The following ADAMTSL1 variants were observed in gnomAD, a reference collection of about 807,000 sequenced individuals.
ADAMTSL1 encodes the protein ADAMTS like 1.
ADAMTSL1 carries 126 observed loss-of-function variants against 201.8 expected under a neutral mutation model. The observed-to-expected ratio is 0.62, with a 90% CI of 0.54 to 0.72. The LOEUF is 0.72. Among genes scored for constraint, ADAMTSL1 ranks in the 30% least tolerant of loss-of-function variants. ADAMTSL1 has a pLI of 0.00. For missense variants in ADAMTSL1, 2,679 were observed against 2,277.8 expected (o/e 1.18, Z -3.59); for synonymous variants, 1,121 against 903.4 (o/e 1.24, Z -4.32).
Position 18,169,365 on chromosome 9 carries a change from C to T in ADAMTSL1, c.207+5384C>T, listed in dbSNP as rs535402754. The stretch of plus-strand genomic sequence containing the variant: ...ATATGGCTAGCCAGTTTTCCCAGCA[C>T]CACTTATTAAATAGGGAATCCTTTC... On this transcript the variant is annotated intron_variant, in intron 2 of 29. Coordinates refer to the ADAMTSL1 transcript ENST00000680146. 2.2e-3 allele frequency among the ~76,000 whole-genome samples: 337 copies of T among 152,138 alleles called. 2 individuals are homozygous for T. Among genetic ancestry groups the T allele is most frequent in the African/African-American group, 7.2e-3 (299 of 41,534 alleles).
At chr9:18,738,088 G>T (rs1182958412) in intron 15 of ADAMTSL1, among the ~76,000 whole-genome samples, 1 of 152,196 alleles carries the variant, frequency 6.6e-6, no homozygotes, top group East Asian at 1.9e-4. Flanking sequence ...ATTAAGAATA[G>T]ATTCTATATT....
chr9:18,545,906 A>G (rs1380014545), intron 3 of ADAMTSL1, among the ~76,000 whole-genome samples: 1 of 152,218 alleles, frequency 6.6e-6, no homozygotes, highest in Non-Finnish European at 1.5e-5. Flanking sequence ...CTGTAAGCCT[A>G]GAAACGATAA....
intron 13 of ADAMTSL1, among the ~76,000 whole-genome samples, chr9:18,701,556 T>G (rs1419075776): frequency 1.3e-5 from 2 of 152,180 alleles, no homozygotes; most frequent in African/African-American, 4.8e-5. Flanking sequence ...ATTCAGTTTA[T>G]TCCCTTCTCT....
At chr9:18,501,725 A>T (rs1037779104) in intron 1 of ADAMTSL1, among the ~76,000 whole-genome samples, 1 of 152,232 alleles carries the variant, frequency 6.6e-6, no homozygotes, top group African/African-American at 2.4e-5. Flanking sequence ...TTTCTCCAAC[A>T]TTAAACATGG....
intron 2 of ADAMTSL1, among the ~76,000 whole-genome samples, chr9:18,358,991 A>G (rs9695430): frequency 6.6e-6 from 1 of 152,108 alleles, no homozygotes; most frequent in African/African-American, 2.4e-5. Context: ...GAGTGTCTTA[A>G]ATTTCAGTGA....
intron 2 of ADAMTSL1, among the ~76,000 whole-genome samples, chr9:18,244,405 T>G (rs1335895669): frequency 6.6e-6 from 1 of 152,070 alleles, no homozygotes; most frequent in Non-Finnish European, 1.5e-5. Context: ...ACATCCAACC[T>G]CTGATATGAT....
intron 5 of ADAMTSL1, among the ~76,000 whole-genome samples, chr9:18,633,945 G>C (rs949671300): frequency 6.6e-6 from 1 of 152,054 alleles, no homozygotes; most frequent in Admixed American, 6.6e-5. Context: ...TCCTTTAAGA[G>C]ATTTGGGGTA....
chr9:18,202,081 A>G lies in ADAMTSL1; in HGVS notation c.207+38100A>G, dbSNP rs142775049. 1.9e-3 allele frequency among the ~76,000 whole-genome samples: 285 copies of G among 152,278 alleles called. 1 individual carries two copies. The highest frequency in any genetic ancestry group is 0.016 in the East Asian group (83 of 5,174). Reference sequence around the variant, plus strand: ...TGATTGTTGGGTAATGTGCAGTGATAATGTACTTATTATGGTAACTGAAAT... The same window carrying G: ...TGATTGTTGGGTAATGTGCAGTGATGATGTACTTATTATGGTAACTGAAAT... On this transcript the variant is annotated intron_variant, in intron 2 of 29. Coordinates refer to the ADAMTSL1 transcript ENST00000680146.
In ADAMTSL1 at chr9:17,974,273, G is replaced by A. The variant is rs551696776; in HGVS notation, c.87+67351G>A. ...CAATCAGGCAGGAAAAGGAAATAAA[G>A]GGTATTCAATGAGGAAAAGAGGAAG... On this transcript the variant is annotated intron_variant, in intron 1 of 29. Transcript: ENST00000680146. 5.3e-5 allele frequency among the ~76,000 whole-genome samples: 8 copies of A among 152,030 alleles called. No individual in the cohort carries two copies. The South Asian group carries it at 1.7e-3, about 32-fold the overall frequency.
chr9:18,042,489 A>G (rs550407886), intron 1 of ADAMTSL1, among the ~76,000 whole-genome samples: 157 of 152,214 alleles, frequency 1.0e-3, no homozygotes, highest in African/African-American at 3.6e-3. Flanking sequence ...AGGGGTTGAG[A>G]AGTCAAGTAA....
chr9:18,638,525 C>T (rs964284395), intron 6 of ADAMTSL1, among the ~76,000 whole-genome samples: 11 of 152,084 alleles, frequency 7.2e-5, no homozygotes, highest in Admixed American at 5.9e-4. Context: ...CCATCATCCC[C>T]AGCATGCTCT....
chr9:18,565,723 C>G (rs1821848988), intron 3 of ADAMTSL1, among the ~76,000 whole-genome samples: 1 of 152,192 alleles, frequency 6.6e-6, no homozygotes, highest in Non-Finnish European at 1.5e-5. Flanking sequence ...ATATTATGCT[C>G]TTAAAATGTA....
intron 7 of ADAMTSL1, among the ~76,000 whole-genome samples, chr9:18,647,416 TG>T (rs1264139061): frequency 2.6e-5 from 4 of 151,990 alleles, no homozygotes; most frequent in African/African-American, 9.7e-5. Context: ...AGTTATTTCT[TG>T]CCTTCTGCTA....
intron 1 of ADAMTSL1, among the ~76,000 whole-genome samples, chr9:18,098,815 G>T (rs374259519): frequency 6.6e-6 from 1 of 152,100 alleles, no homozygotes; most frequent in South Asian, 2.1e-4. Context: ...TCCATGCATT[G>T]TAATCTCATC....
At chr9:18,084,961 T>A (rs1343126963) in intron 1 of ADAMTSL1, among the ~76,000 whole-genome samples, 1 of 151,932 alleles carries the variant, frequency 6.6e-6, no homozygotes, top group Non-Finnish European at 1.5e-5. Flanking sequence ...AATAGGGAAG[T>A]TAGGTAAGAC....
rs535627202 is a variant in ADAMTSL1, at chr9:18,538,175, G to A, written c.237+4883G>A. Among the ~76,000 whole-genome samples, 5 of 152,264 alleles carry A rather than the reference G, an allele frequency of 3.3e-5. No homozygotes were observed. The East Asian group carries it at 9.7e-4, about 29-fold the overall frequency. On this transcript the variant is annotated intron_variant, in intron 3 of 28. Transcript: ENST00000380548. ...CAGGGGGATCATTGCGGTAGTTCAG[G>A]TGGGTGCTAATGGTTGTGTGGACTA...
intron 1 of ADAMTSL1, among the ~76,000 whole-genome samples, chr9:17,918,447 A>G (rs1826185871): frequency 6.6e-6 from 1 of 151,710 alleles, no homozygotes; most frequent in Admixed American, 6.6e-5. Context: ...TTATCTGGGT[A>G]TCTTTGTGTT....
At position 18,289,374 on chromosome 9, in the gene ADAMTSL1, A is replaced by G. The variant is rs1264210835; in HGVS notation, c.207+125393A>G. On this transcript the variant is annotated intron_variant, in intron 2 of 29. Coordinates refer to the ADAMTSL1 transcript ENST00000680146. ...AGATACCCAGAATGATGTTTAACCA[A>G]GTAGCTGGGCATCTTGTGGCCCAGT... Among the ~76,000 whole-genome samples the G allele has an allele frequency of 2.6e-5, 4 of 152,228 alleles. No individual in the cohort carries two copies. The East Asian group carries it at 7.7e-4, about 29-fold the overall frequency.
chr9:18,861,891 C>G (rs1043890977), intron 23 of ADAMTSL1, among the ~76,000 whole-genome samples: 7 of 151,846 alleles, frequency 4.6e-5, no homozygotes, highest in African/African-American at 1.5e-4. Context: ...ACTCAACTCT[C>G]CCCCGTCTTT....
Sources: gnomAD v4.1 joint callset for allele counts (sites outside exome capture counted in the v4.1 genomes callset) on GRCh38, gnomAD v4.1.1 for gene constraint, MANE v1.5 for transcripts, NCBI Gene and HGNC (gene_info 2026-07-23, HGNC 2026-07-21) for gene names.